Variants in BRINP3 observed in about 807,000 individuals in gnomAD.
BRINP3 encodes BMP/retinoic acid inducible neural specific 3.
BRINP3 carries 19 observed loss-of-function variants against 71.0 expected under a neutral mutation model. That is an observed-to-expected ratio of 0.27 (90% CI 0.19 to 0.39). BRINP3 has a LOEUF of 0.39. Ranked by LOEUF, BRINP3 falls within the 10% of genes least tolerant of loss-of-function variation. BRINP3 has a pLI of 1.00. For synonymous variants in BRINP3, 380 were observed against 337.7 expected (o/e 1.13, Z -1.37); for missense variants, 959 against 940.8 (o/e 1.02, Z -0.25).
At chr1:190,325,518 G>A (rs1360930079) in intron 2 of BRINP3, among the ~76,000 whole-genome samples, 1 of 151,950 alleles carries the variant, frequency 6.6e-6, no homozygotes, top group East Asian at 1.9e-4. Context: ...ATTACATACT[G>A]AAGAGTTCAT....
chr1:190,383,272 T>A (rs1670668305), intron 2 of BRINP3, among the ~76,000 whole-genome samples: 1 of 152,126 alleles, frequency 6.6e-6, no homozygotes, highest in East Asian at 1.9e-4. Context: ...GCCTGATTTA[T>A]TATTCATGGA....
rs774907271 is a variant in BRINP3, at chr1:190,265,023, G to C, written c.460C>G (p.Arg154Gly). 6.2e-7 allele frequency: 1 copy of C among 1,607,218 alleles called. No individual in the cohort carries two copies. The highest frequency in any genetic ancestry group is 1.7e-5 in the Admixed American group (1 of 58,356). Reference protein sequence around the residue: ...EESLTIFVDKRKLSKRAEGSD... With the variant: ...EESLTIFVDKGKLSKRAEGSD... The stretch of plus-strand genomic sequence containing the variant: ...CCTTCAGCTCGTTTGCTCAACTTCC[G>C]CTTGTCCACAAAAATTGTGAGTGAC... Residue 154 changes from arginine (R) to glycine (G), a missense_variant, in exon 4 of 8, where the codon CGG (arginine) becomes GGG (glycine). Physicochemically the swap from Arg to Gly is moderately radical, Grantham distance 125. Transcript: ENST00000367462.
intron 6 of BRINP3, among the ~76,000 whole-genome samples, chr1:190,174,276 T>C (rs1571909436): frequency 1.3e-5 from 2 of 152,122 alleles, no homozygotes; most frequent in East Asian, 3.8e-4. Context: ...TCTAAGTTGG[T>C]ACCTACTCTG....
intron 2 of BRINP3, among the ~76,000 whole-genome samples, chr1:190,322,792 C>T (rs963265437): frequency 6.6e-6 from 1 of 151,964 alleles, no homozygotes; most frequent in African/African-American, 2.4e-5. Flanking sequence ...AGTTACATTC[C>T]TTTTAGTTCT....
chr1:190,258,247 G>A (rs1466467424), intron 4 of BRINP3, among the ~76,000 whole-genome samples: 2 of 152,190 alleles, frequency 1.3e-5, no homozygotes, highest in East Asian at 3.9e-4. Context: ...TCAGTCTGCT[G>A]CCCTAGCAGT....
chr1:190,115,760 C>A (rs371602316), intron 7 of BRINP3, among the ~76,000 whole-genome samples: 1 of 151,982 alleles, frequency 6.6e-6, no homozygotes, highest in African/African-American at 2.4e-5. Context: ...TGTGGGAAAC[C>A]GAAGGTGACA....
chr1:190,161,355 T>C (rs1159030956), intron 6 of BRINP3, among the ~76,000 whole-genome samples: 1 of 151,672 alleles, frequency 6.6e-6, no homozygotes, highest in African/African-American at 2.4e-5. Context: ...AATAATTGTA[T>C]CAGTTTTTAA....
At chr1:190,397,982 T>C (rs1671686865) in intron 2 of BRINP3, among the ~76,000 whole-genome samples, 1 of 152,008 alleles carries the variant, frequency 6.6e-6, no homozygotes, top group African/African-American at 2.4e-5. Context: ...TCGTGTTCAG[T>C]GAAGACTTTA....
intron 2 of BRINP3, among the ~76,000 whole-genome samples, chr1:190,309,912 A>T (rs1665397378): frequency 6.6e-6 from 1 of 151,762 alleles, no homozygotes; most frequent in Non-Finnish European, 1.5e-5. Flanking sequence ...AATCTAATTT[A>T]TTTTATTTTA....
chr1:190,256,460 T>C (rs1660672419), intron 4 of BRINP3, among the ~76,000 whole-genome samples: 1 of 152,242 alleles, frequency 6.6e-6, no homozygotes, highest in African/African-American at 2.4e-5. Flanking sequence ...CTCTGTGTTT[T>C]TAATTGGGGC....
At chr1:190,318,652 C>T (rs1666041213) in intron 2 of BRINP3, among the ~76,000 whole-genome samples, 1 of 151,896 alleles carries the variant, frequency 6.6e-6, no homozygotes, top group Non-Finnish European at 1.5e-5. Flanking sequence ...AATAGTAGCT[C>T]AGAATTAAAT....
intron 4 of BRINP3, among the ~76,000 whole-genome samples, chr1:190,263,141 A>G (rs961387993): frequency 2.4e-4 from 36 of 152,204 alleles, no homozygotes; most frequent in African/African-American, 8.0e-4. Flanking sequence ...ATTAGAAAAT[A>G]CAGTTTGACC....
At chr1:190,251,733 G>A (rs532900605) in intron 4 of BRINP3, among the ~76,000 whole-genome samples, 1 of 151,516 alleles carries the variant, frequency 6.6e-6, no homozygotes, top group East Asian at 1.9e-4. Flanking sequence ...AATATGGGAG[G>A]AGTAGAATGC....
intron 2 of BRINP3, among the ~76,000 whole-genome samples, chr1:190,426,296 G>A (rs1429031950): frequency 6.6e-6 from 1 of 151,680 alleles, no homozygotes; most frequent in Non-Finnish European, 1.5e-5. Context: ...TATTTGTGGA[G>A]TCCTGAAACA....
chr1:190,201,076 GA>G (rs748653114), intron 6 of BRINP3, among the ~76,000 whole-genome samples: 156 of 152,182 alleles, frequency 1.0e-3, no homozygotes, highest in Non-Finnish European at 1.8e-3. Context: ...GGAGGGCTCA[GA>G]AAAAGACAGA....
chr1:190,462,358 A>T (rs1676452999), intron 1 of BRINP3, among the ~76,000 whole-genome samples: 1 of 152,188 alleles, frequency 6.6e-6, no homozygotes, highest in Non-Finnish European at 1.5e-5. Context: ...ATGTTCTATA[A>T]TTCAATTTCT....
intron 7 of BRINP3, among the ~76,000 whole-genome samples, chr1:190,158,875 G>C (rs907591969): frequency 2.6e-5 from 4 of 151,744 alleles, no homozygotes; most frequent in African/African-American, 9.7e-5. Flanking sequence ...GGGGGAGAGA[G>C]AGAGAGAGAG....
chr1:190,100,671 C>T (rs1651624845), intron 7 of BRINP3, among the ~76,000 whole-genome samples: 1 of 152,092 alleles, frequency 6.6e-6, no homozygotes, highest in South Asian at 2.1e-4. Context: ...TAAAAACACG[C>T]AAAAGCCTTT....
chr1:190,324,144 T>C (rs1276878897), intron 2 of BRINP3, among the ~76,000 whole-genome samples: 1 of 151,994 alleles, frequency 6.6e-6, no homozygotes, highest in African/African-American at 2.4e-5. Flanking sequence ...GTCTTAATTG[T>C]AATGCAAGCT....
Sources: gnomAD v4.1 joint callset for allele counts (sites outside exome capture counted in the v4.1 genomes callset) on GRCh38, gnomAD v4.1.1 for gene constraint, MANE v1.5 for transcripts, NCBI Gene and HGNC (gene_info 2026-07-23, HGNC 2026-07-21) for gene names.